The following L3MBTL3 variants were observed in gnomAD, a reference collection of about 807,000 sequenced individuals.
L3MBTL3 encodes L3MBTL histone methyl-lysine binding protein 3.
L3MBTL3 carries 27 observed loss-of-function variants against 102.3 expected under a neutral mutation model. The ratio of observed to expected loss-of-function variants is 0.26; its 90% CI spans 0.19 to 0.36. The LOEUF (loss-of-function observed/expected upper bound fraction) is 0.36. Among genes scored for constraint, L3MBTL3 ranks in the 10% least tolerant of loss-of-function variants. The pLI is 1.00. For synonymous variants in L3MBTL3, 340 were observed against 320.9 expected (o/e 1.06, Z -0.64); for missense variants, 798 against 955.3 (o/e 0.84, Z 2.17).
At chr6:130,032,942 A>G (rs1490682241) in intron 2 of L3MBTL3, among the ~76,000 whole-genome samples, 2 of 152,210 alleles carry the variant, frequency 1.3e-5, no homozygotes, top group Admixed American at 6.5e-5. Flanking sequence ...GCCGTGATCC[A>G]TGATTGCACC....
intron 19 of L3MBTL3, among the ~76,000 whole-genome samples, chr6:130,120,634 G>A (rs1582617268): frequency 6.6e-6 from 1 of 152,182 alleles, no homozygotes. Context: ...TTCCAGAATA[G>A]TTCATTTTAT....
chr6:130,100,259 C>T (rs1037755009), intron 18 of L3MBTL3, among the ~76,000 whole-genome samples: 3 of 152,146 alleles, frequency 2.0e-5, no homozygotes, highest in Admixed American at 6.5e-5. Context: ...AACAGAATCT[C>T]GGAGCCTGTG....
At chr6:130,028,940 G>A (rs1253661460) in intron 2 of L3MBTL3, among the ~76,000 whole-genome samples, 1 of 152,130 alleles carries the variant, frequency 6.6e-6, no homozygotes, top group East Asian at 1.9e-4. Context: ...TGAGCTAGAT[G>A]GACAGATGAA....
Position 130,042,744 on chromosome 6 carries a change from G to C in L3MBTL3, c.45G>C (p.Val15=). 1 of 1,613,782 alleles carries C rather than the reference G, an allele frequency of 6.2e-7. No homozygotes were observed. Among genetic ancestry groups the C allele is most frequent in the African/African-American group, 1.3e-5 (1 of 75,038 alleles). Residue 15 remains valine (V), a synonymous_variant, in exon 3 of 23, where the codon GTG becomes GTC. Transcript: ENST00000361794. ...ASSTSGQEFD[V]FSVMDWKDGV... is the part of the protein sequence containing the mutation. ...GCACAAGTGGTCAAGAGTTTGATGT[G>C]TTCAGTGTTATGGACTGGAAAGATG... is the stretch of plus-strand genomic sequence containing the variant.
chr6:130,082,791 G>C (rs1358296824), intron 14 of L3MBTL3, among the ~76,000 whole-genome samples: 1 of 152,184 alleles, frequency 6.6e-6, no homozygotes, highest in East Asian at 1.9e-4. Context: ...GGAAATACAT[G>C]TGTATAAATA....
Position 130,133,821 on chromosome 6 carries a change from A to G in L3MBTL3, c.2137-22A>G. 1 of 1,601,424 alleles carries G rather than the reference A, an allele frequency of 6.2e-7. No individual in the cohort carries two copies. Among genetic ancestry groups the G allele is most frequent in the South Asian group, 1.1e-5 (1 of 90,790 alleles). ...TTCTGACTGTGTTTTTTAACTGGGA[A>G]TTTTGATATTGCTTTTGACAGGTGT... is the stretch of plus-strand genomic sequence containing the variant. On this transcript the variant is annotated intron_variant, in intron 21 of 22. Transcript: ENST00000361794. This position sits in a 1 kb window ranked among gnomAD's most constrained non-coding sequence, Gnocchi z 4.9.
chr6:130,120,752 A>G (rs1027774439), intron 19 of L3MBTL3, 127 bp from the exon 20 acceptor site: 31 of 708,408 alleles, frequency 4.4e-5, no homozygotes, highest in Non-Finnish European at 7.5e-5. Context: ...AGAACTATAT[A>G]TCCTTTCTAA....
intron 2 of L3MBTL3, among the ~76,000 whole-genome samples, chr6:130,037,242 A>C (rs1156671523): frequency 6.6e-6 from 1 of 152,170 alleles, no homozygotes; most frequent in Non-Finnish European, 1.5e-5. Flanking sequence ...ACAGCTGACA[A>C]TTTTATACTA....
At chr6:130,080,465 T>C (rs1194785537) in intron 14 of L3MBTL3, among the ~76,000 whole-genome samples, 1 of 152,146 alleles carries the variant, frequency 6.6e-6, no homozygotes, top group Non-Finnish European at 1.5e-5. Context: ...CAGTTTGTTA[T>C]CAGCCCTTCT....
chr6:130,070,931 G>T (rs777900383), intron 12 of L3MBTL3, 45 bp from the exon 13 acceptor site: 86 of 1,562,578 alleles, frequency 5.5e-5, no homozygotes, highest in Non-Finnish European at 7.3e-5. Flanking sequence ...TCTTGTGGTT[G>T]TCAAGTGTGT....
intron 20 of L3MBTL3, among the ~76,000 whole-genome samples, chr6:130,126,291 CAT>C (rs71886226): frequency 0.064 from 9,782 of 152,176 alleles, 455 homozygotes; most frequent in Non-Finnish European, 0.1. Flanking sequence ...CTGGGTGGCT[CAT>C]GTGTGGAGAG....
chr6:130,100,587 C>G (rs1418977499), intron 18 of L3MBTL3, among the ~76,000 whole-genome samples: 5 of 151,722 alleles, frequency 3.3e-5, no homozygotes, highest in Non-Finnish European at 5.9e-5. Flanking sequence ...AATGTTTTTC[C>G]CTGCTTTAGG....
At chr6:130,114,450 C>T (rs1785539746) in intron 19 of L3MBTL3, among the ~76,000 whole-genome samples, 1 of 152,212 alleles carries the variant, frequency 6.6e-6, no homozygotes, top group South Asian at 2.1e-4. Context: ...GAGTCTCACT[C>T]TTAAGAGACA....
At chr6:130,046,287 C>T (rs1780721065) in intron 3 of L3MBTL3, among the ~76,000 whole-genome samples, 1 of 152,176 alleles carries the variant, frequency 6.6e-6, no homozygotes. Context: ...AAATTCACCG[C>T]ACTCTTAATA....
intron 18 of L3MBTL3, among the ~76,000 whole-genome samples, chr6:130,095,709 G>A (rs1285393711): frequency 6.6e-6 from 1 of 152,170 alleles, no homozygotes; most frequent in Non-Finnish European, 1.5e-5. Context: ...AGGCTGGAAA[G>A]TCTGAGATCC....
chr6:130,112,843 T>C lies in L3MBTL3; in HGVS notation c.1887-8036T>C, dbSNP rs191205282. On this transcript the variant is annotated intron_variant, in intron 19 of 22. Transcript: ENST00000361794. Reference sequence around the variant, plus strand: ...TAGAAATGTGAGTACGTGGTCCTTATAGACAGAAATGTGAGTATGCAATCC... The same window carrying C: ...TAGAAATGTGAGTACGTGGTCCTTACAGACAGAAATGTGAGTATGCAATCC... Among the ~76,000 whole-genome samples the C allele has an allele frequency of 2.6e-5, 4 of 152,296 alleles. No individual in the cohort carries two copies. The East Asian group carries it at 5.8e-4, about 22-fold the overall frequency.
At chr6:130,030,695 GAT>G (rs1779665376) in intron 2 of L3MBTL3, among the ~76,000 whole-genome samples, 1 of 99,330 alleles carries the variant, frequency 1.0e-5, no homozygotes, top group African/African-American at 4.2e-5. Context: ...AAAAAAAAAA[GAT>G]TTAAACCCAG....
At chr6:130,036,959 A>G (rs963089598) in intron 2 of L3MBTL3, among the ~76,000 whole-genome samples, 2 of 152,232 alleles carry the variant, frequency 1.3e-5, no homozygotes, top group African/African-American at 4.8e-5. Flanking sequence ...AATGGTGGCC[A>G]TGCTACTGGC....
chr6:130,018,957 G>C (rs1778738051), intron 1 of L3MBTL3, among the ~76,000 whole-genome samples: 1 of 152,070 alleles, frequency 6.6e-6, no homozygotes, highest in African/African-American at 2.4e-5. Flanking sequence ...CTGAAGTAGT[G>C]AGTGCGAGTG....
Sources: gnomAD v4.1 joint callset for allele counts (sites outside exome capture counted in the v4.1 genomes callset) on GRCh38, gnomAD v4.1.1 for gene constraint, Gnocchi (gnomAD v3.1) non-coding constraint, MANE v1.5 for transcripts, NCBI Gene and HGNC (gene_info 2026-07-23, HGNC 2026-07-21) for gene names.